The following DNAH7 variants were observed in gnomAD, a reference collection of about 807,000 sequenced individuals.
The protein encoded by DNAH7 is dynein axonemal heavy chain 7, also known as axonemal beta dynein heavy chain 7.
In DNAH7, 397 loss-of-function variants were observed where a neutral mutation model predicts 444.6. That is an observed-to-expected ratio of 0.89 (90% CI 0.82 to 0.97). DNAH7 has a LOEUF of 0.97. Among genes scored for constraint, DNAH7 ranks in the 50% least tolerant of loss-of-function variants. DNAH7 has a pLI of 0.00. For missense variants in DNAH7, 4,902 were observed against 4,800.8 expected, an observed-to-expected ratio of 1.02 and a Z score of -0.62; for synonymous variants, 1,636 against 1,624.4, an observed-to-expected ratio of 1.01 and a Z score of -0.17.
intron 5 of DNAH7, among the ~76,000 whole-genome samples, chr2:196,044,640 TC>T (rs2125840164): frequency 6.6e-6 from 1 of 152,270 alleles, no homozygotes; most frequent in Admixed American, 6.5e-5. Context: ...ATCTATAATT[TC>T]CCAGATGTAC....
Position 195,824,302 on chromosome 2 carries a change from T to A in DNAH7, c.9244A>T (p.Thr3082Ser). Reference protein sequence around the residue: ...EYAPDFRFYITTKLRNPHYLP... With the variant: ...EYAPDFRFYISTKLRNPHYLP... ...TAATGAGGATTTCTTAACTTGGTAG[T>A]AATATAGAAGCGGAAGTCAGGTGCA... is the stretch of plus-strand genomic sequence containing the variant. The change falls in exon 49 of 65, where the codon ACT (threonine) becomes TCT (serine). Residue 3082 changes from threonine to serine, a missense_variant. Physicochemically the swap from Thr to Ser is moderately conservative, Grantham distance 58 (BLOSUM62 1). Coordinates refer to ENST00000312428, the MANE Select transcript of DNAH7 (RefSeq NM_018897.3). 1 of 1,613,838 alleles carries A rather than the reference T, an allele frequency of 6.2e-7. No homozygotes were observed. Among genetic ancestry groups the A allele is most frequent in the Non-Finnish European group, 8.5e-7 (1 of 1,179,844 alleles).
intron 47 of DNAH7, among the ~76,000 whole-genome samples, chr2:195,837,775 T>C (rs1033449252): frequency 2.6e-5 from 4 of 152,160 alleles, no homozygotes; most frequent in African/African-American, 7.2e-5. Flanking sequence ...AGCAAAAACC[T>C]GTCTCTCTGG....
At chr2:196,024,129 C>G (rs984069849) in intron 8 of DNAH7, among the ~76,000 whole-genome samples, 1 of 152,100 alleles carries the variant, frequency 6.6e-6, no homozygotes, top group African/African-American at 2.4e-5. Flanking sequence ...AAAACTGACA[C>G]AGAGACACAA....
intron 47 of DNAH7, among the ~76,000 whole-genome samples, chr2:195,835,186 T>G (rs1698282398): frequency 6.6e-6 from 1 of 152,088 alleles, no homozygotes; most frequent in African/African-American, 2.4e-5. Context: ...TCTTAGAAGT[T>G]TCAATCAACA....
intron 22 of DNAH7, among the ~76,000 whole-genome samples, chr2:195,925,709 A>G (rs949254961): frequency 6.6e-6 from 1 of 152,204 alleles, no homozygotes; most frequent in African/African-American, 2.4e-5. Context: ...ACAATGTCTT[A>G]AAGACATTTC....
intron 25 of DNAH7, among the ~76,000 whole-genome samples, chr2:195,908,049 C>G (rs1687140969): frequency 6.6e-6 from 1 of 151,938 alleles, no homozygotes; most frequent in Non-Finnish European, 1.5e-5. Context: ...TTTACAAATA[C>G]TAATAAGCAA....
Position 195,771,758 on chromosome 2 carries a change from G to C in DNAH7, c.11335C>G (p.Gln3779Glu), listed in dbSNP as rs1186743122. The C allele has an allele frequency of 6.2e-7, 1 of 1,614,106 alleles. No individual in the cohort carries two copies. Among genetic ancestry groups the C allele is most frequent in the Non-Finnish European group, 8.5e-7 (1 of 1,180,022 alleles). The part of the protein sequence containing the change: ...AMRRYPTTYT[Q>E]SMNTVLVQEM... ...TGGACAAGTACAGTGTTCATGCTCT[G>C]AGTATAAGTTGTTGGGTACCTCCTC... is the stretch of plus-strand genomic sequence containing the variant. The change falls in exon 61 of 65, where the codon CAG (glutamine) becomes GAG (glutamate). Residue 3779 changes from glutamine (Q) to glutamate (E), a missense_variant. Gln to Glu is a conservative substitution (Grantham distance 29). Transcript: ENST00000312428.
At chr2:195,989,609 T>C (rs1002540674) in intron 12 of DNAH7, among the ~76,000 whole-genome samples, 1 of 152,220 alleles carries the variant, frequency 6.6e-6, no homozygotes, top group Non-Finnish European at 1.5e-5. Flanking sequence ...AGTTTGAATA[T>C]ATGTCCCTGC....
intron 10 of DNAH7, among the ~76,000 whole-genome samples, chr2:196,005,300 AAAC>A (rs869270371): frequency 6.7e-6 from 1 of 148,754 alleles, no homozygotes; most frequent in African/African-American, 2.5e-5. Flanking sequence ...ACAAACAAAC[AAAC>A]AAAAATATAT....
intron 63 of DNAH7, among the ~76,000 whole-genome samples, chr2:195,749,015 C>G (rs1036516114): frequency 6.6e-6 from 1 of 152,026 alleles, no homozygotes; most frequent in East Asian, 1.9e-4. Context: ...AGCTTCTGCA[C>G]AGCAAAAGAA....
Position 195,776,069 on chromosome 2 carries a change from C to T in DNAH7, c.11065-86G>A, listed in dbSNP as rs1695044076. ...CACAGAAAAGAGGCAGTTTTCAATA[C>T]TCAAGTTATTGACTGGATAGGCCTG... On this transcript the variant is annotated intron_variant, in intron 59 of 64. Coordinates refer to ENST00000312428, the MANE Select transcript of DNAH7 (RefSeq NM_018897.3). The T allele has an allele frequency of 3.3e-6, 5 of 1,505,606 alleles. No individual in the cohort carries two copies. In the African/African-American group the frequency reaches 5.6e-5, roughly 17 times the overall value. The allele number at this position is 1,505,606 out of a possible 1,614,324, so 93.3% of individuals were successfully genotyped here.
intron 61 of DNAH7, among the ~76,000 whole-genome samples, chr2:195,765,988 A>C (rs1334855619): frequency 6.6e-6 from 1 of 152,048 alleles, no homozygotes; most frequent in African/African-American, 2.4e-5. Context: ...TCCATCAACA[A>C]AGGAACAGAT....
At chr2:196,009,105 T>C (rs2125712001) in intron 10 of DNAH7, among the ~76,000 whole-genome samples, 1 of 152,252 alleles carries the variant, frequency 6.6e-6, no homozygotes, top group Non-Finnish European at 1.5e-5. Context: ...CTTATTATCA[T>C]GAGGACAGAA....
At chr2:195,824,510 CA>C in intron 48 of DNAH7, 65 bp from the exon 49 acceptor site, 1 of 1,345,060 alleles carries the variant, frequency 7.4e-7, no homozygotes, top group East Asian at 2.6e-5. Flanking sequence ...TATAAATATT[CA>C]ACCCTCCAAG....
intron 17 of DNAH7, among the ~76,000 whole-genome samples, chr2:195,966,499 T>C (rs1387653182): frequency 6.6e-6 from 1 of 152,170 alleles, no homozygotes; most frequent in Non-Finnish European, 1.5e-5. Context: ...CTGATGTTTC[T>C]TTGTTGGTTT....
At chr2:195,876,834 G>C (rs1366460183) in intron 36 of DNAH7, 135 bp from the exon 37 acceptor site, 1 of 633,232 alleles carries the variant, frequency 1.6e-6, no homozygotes, top group African/African-American at 1.8e-5. Context: ...GATGGAATCA[G>C]TAGGAATAAC....
At chr2:195,756,801 G>A (rs116147177) in intron 61 of DNAH7, among the ~76,000 whole-genome samples, 273 of 152,162 alleles carry the variant, frequency 1.8e-3, no homozygotes, top group African/African-American at 6.4e-3. Flanking sequence ...AGACTAGACT[G>A]GGCCACATGG....
At chr2:195,995,825 T>C (rs572039469) in intron 12 of DNAH7, 1 of 152,742 alleles carries the variant, frequency 6.5e-6, no homozygotes, top group Non-Finnish European at 1.5e-5. Flanking sequence ...TAAGGTAATG[T>C]GATGCCTCCA....
chr2:195,973,951 G>A (rs1191100478), intron 15 of DNAH7, among the ~76,000 whole-genome samples: 2 of 151,948 alleles, frequency 1.3e-5, no homozygotes, highest in Admixed American at 6.6e-5. Flanking sequence ...GGTGGCAGGC[G>A]CCAGTAATCC....
Sources: gnomAD v4.1 joint callset for allele counts (sites outside exome capture counted in the v4.1 genomes callset) on GRCh38, gnomAD v4.1.1 for gene constraint, MANE v1.5 for transcripts, NCBI Gene and HGNC (gene_info 2026-07-23, HGNC 2026-07-21) for gene names.